ARHGAP6: variants seen among roughly 807,000 people sequenced by gnomAD.
ARHGAP6 encodes rho GTPase-activating protein 6.
Under a neutral mutation model 55.7 loss-of-function variants are expected in ARHGAP6, and 16 were observed. The ratio of observed to expected loss-of-function variants is 0.29; its 90% CI spans 0.19 to 0.44. The LOEUF is 0.44. Among genes scored for constraint, ARHGAP6 ranks in the 20% least tolerant of loss-of-function variants. The pLI, the probability that ARHGAP6 is intolerant of heterozygous loss-of-function variation, is 1.00. For missense variants in ARHGAP6, 698 were observed against 808.9 expected (o/e 0.86, Z 1.66); for synonymous variants, 382 against 360.9 (o/e 1.06, Z -0.66).
At chrX:11,300,396 G>C (rs1334756361) in intron 1 of ARHGAP6, among the ~76,000 whole-genome samples, 5 of 111,471 alleles carry the variant, frequency 4.5e-5, no homozygotes, top group African/African-American at 1.6e-4. Flanking sequence ...TAAAATAATA[G>C]GCTTTAAGTG....
intron 1 of ARHGAP6, among the ~76,000 whole-genome samples, chrX:11,332,886 G>C (rs1378246411): frequency 1.8e-5 from 2 of 111,947 alleles, no homozygotes; most frequent in African/African-American, 6.5e-5. Flanking sequence ...GCACAGAACA[G>C]TTTCATTGCC....
chrX:11,429,070 A>G (rs1210988108), intron 1 of ARHGAP6, among the ~76,000 whole-genome samples: 1 of 112,360 alleles, frequency 8.9e-6, no homozygotes, highest in Non-Finnish European at 1.9e-5. Context: ...CCAAATGTAC[A>G]CCAACTGATG....
rs766963883 is a variant in ARHGAP6 at position 11,298,087 on chromosome X, C to T, written c.589-43380G>A. ...GAAGCACCCAACAAATTTTTACCTT[C>T]TTCTTTCTTTTGTAGAACTCACATT... is the stretch of plus-strand genomic sequence containing the variant. On this transcript the variant is annotated intron_variant, in intron 1 of 12. Coordinates refer to ENST00000337414, the MANE Select transcript of ARHGAP6 (RefSeq NM_013427.3). 1.1e-4 allele frequency: 138 copies of T among 1,209,276 alleles called. No individual in the cohort carries two copies. In the South Asian group the frequency reaches 2.4e-3, roughly 21 times the overall value.
At position 11,169,744 on chromosome X, in the gene ARHGAP6, T is replaced by G. The variant is rs1421025870; in HGVS notation, c.1630-60A>C. ...GTTTGCCTTTCAAGATACTGGGTGA[T>G]TCAACAATCAATGAAACCTTTTACT... On this transcript the variant is annotated intron_variant, in intron 8 of 12. Transcript: ENST00000337414. 3.3e-6 allele frequency: 3 copies of G among 918,532 alleles called. No homozygotes were observed. The Admixed American group carries it at 1.1e-4, about 35-fold the overall frequency. 75.7% of individuals were successfully genotyped at this position (918,532 alleles called of 1,213,427 possible).
chrX:11,453,067 G>A (rs1475177365), intron 1 of ARHGAP6, among the ~76,000 whole-genome samples: 2 of 100,477 alleles, frequency 2.0e-5, no homozygotes, highest in African/African-American at 7.3e-5. Context: ...GTGTAGATTT[G>A]GAAAACCCAG....
chrX:11,509,820 C>T (rs1285946070), intron 1 of ARHGAP6, among the ~76,000 whole-genome samples: 2 of 111,551 alleles, frequency 1.8e-5, no homozygotes, highest in Non-Finnish European at 3.8e-5. Context: ...TGGCTAAAGG[C>T]AAGAAAAGCT....
At chrX:11,629,162 T>C (rs2052333319) in intron 1 of ARHGAP6, among the ~76,000 whole-genome samples, 1 of 112,217 alleles carries the variant, frequency 8.9e-6, no homozygotes, top group Non-Finnish European at 1.9e-5. Context: ...ACCACCTTCA[T>C]CTGCCATTAC....
intron 11 of ARHGAP6, chrX:11,143,657 A>T: frequency 9.9e-7 from 1 of 1,009,876 alleles, no homozygotes; most frequent in Non-Finnish European, 1.2e-6. Context: ...CAAATCCAGT[A>T]TACATAAAGT....
intron 1 of ARHGAP6, among the ~76,000 whole-genome samples, chrX:11,364,578 C>T (rs1163692851): frequency 9.0e-6 from 1 of 111,085 alleles, no homozygotes; most frequent in Non-Finnish European, 1.9e-5. Context: ...GATAGATCCT[C>T]ATTATGTTTG....
In ARHGAP6 at chrX:11,647,873, T is replaced by C. The variant is rs950158186; in HGVS notation, c.588+16368A>G. On this transcript the variant is annotated intron_variant, in intron 1 of 12. Transcript: ENST00000337414. Reference sequence around the variant, plus strand: ...CTACAAAATACCTGACCAATACTTTTCAAAAGTGGCAAGCTCACGAAAAAT... The same window carrying C: ...CTACAAAATACCTGACCAATACTTTCCAAAAGTGGCAAGCTCACGAAAAAT... Among the ~76,000 whole-genome samples the C allele has an allele frequency of 4.5e-5, 5 of 111,688 alleles. No individual in the cohort carries two copies. The Admixed American group carries it at 4.8e-4, about 11-fold the overall frequency.
chrX:11,413,844 A>T (rs750720855), intron 1 of ARHGAP6, among the ~76,000 whole-genome samples: 6 of 112,325 alleles, frequency 5.3e-5, no homozygotes, highest in Non-Finnish European at 1.1e-4. Flanking sequence ...GAGATTGGAC[A>T]AGGCAAATAG....
intron 6 of ARHGAP6, among the ~76,000 whole-genome samples, chrX:11,181,796 A>G (rs990738998): frequency 1.8e-5 from 2 of 111,992 alleles, no homozygotes; most frequent in Admixed American, 9.5e-5. Context: ...GCAATTTTCA[A>G]TAAGATGTTT....
intron 5 of ARHGAP6, among the ~76,000 whole-genome samples, chrX:11,183,041 G>A (rs1055831571): frequency 2.7e-5 from 3 of 111,095 alleles, no homozygotes; most frequent in Non-Finnish European, 3.8e-5. Flanking sequence ...CCTCACTATC[G>A]TGTCGCATGA....
chrX:11,311,494 G>C (rs1035226378), intron 1 of ARHGAP6, among the ~76,000 whole-genome samples: 1 of 111,825 alleles, frequency 8.9e-6, no homozygotes, highest in Admixed American at 9.5e-5. Context: ...AGAAAGATTT[G>C]CTAGTGGCCC....
chrX:11,577,961 C>A (rs182394686), intron 1 of ARHGAP6, among the ~76,000 whole-genome samples: 1 of 111,556 alleles, frequency 9.0e-6, no homozygotes, highest in Admixed American at 9.5e-5. Flanking sequence ...CTTGAGGGAC[C>A]ACTTCTATCC....
At chrX:11,415,385 CT>C (rs1279779801) in intron 1 of ARHGAP6, among the ~76,000 whole-genome samples, 1 of 112,041 alleles carries the variant, frequency 8.9e-6, no homozygotes, top group Admixed American at 9.4e-5. Flanking sequence ...CAAAACCCTG[CT>C]TTTGTCATTT....
chrX:11,514,509 G>A (rs779704785), intron 1 of ARHGAP6, among the ~76,000 whole-genome samples: 6 of 109,198 alleles, frequency 5.5e-5, no homozygotes, highest in East Asian at 2.9e-4. Context: ...CCACCCCACC[G>A]TTCCCAACAC....
At chrX:11,624,600 G>A (rs1314538741) in intron 1 of ARHGAP6, among the ~76,000 whole-genome samples, 1 of 112,338 alleles carries the variant, frequency 8.9e-6, no homozygotes, top group East Asian at 2.8e-4. Context: ...ACGGAGTCTC[G>A]CTTTGTCGCC....
chrX:11,649,827 AAT>A lies in ARHGAP6; in HGVS notation c.588+14412_588+14413del, dbSNP rs746356874. Among the ~76,000 whole-genome samples the A allele has an allele frequency of 7.1e-5, 8 of 111,959 alleles. No individual in the cohort carries two copies. The South Asian group carries it at 1.5e-3, about 21-fold the overall frequency. Reference sequence around the variant, plus strand: ...TACATATAGACAGGGAAATTATACTAATAGAGTGTGATCTAAAACTCTGTAAG... The same window carrying A: ...TACATATAGACAGGGAAATTATACTAAGAGTGTGATCTAAAACTCTGTAAG... On this transcript the variant is annotated intron_variant, in intron 1 of 12. Transcript: ENST00000337414.
Sources: gnomAD v4.1 joint callset for allele counts (sites outside exome capture counted in the v4.1 genomes callset) on GRCh38, gnomAD v4.1.1 for gene constraint, MANE v1.5 for transcripts, NCBI Gene and HGNC (gene_info 2026-07-23, HGNC 2026-07-21) for gene names.